The following FAM168A variants were observed in gnomAD, a reference collection of about 807,000 sequenced individuals.
The protein encoded by FAM168A is family with sequence similarity 168 member A, also known as protein FAM168A.
In FAM168A, 3 loss-of-function variants were observed where a neutral mutation model predicts 28.5. The ratio of observed to expected loss-of-function variants is 0.11; its 90% confidence interval spans 0.05 to 0.27. The LOEUF is 0.27. Ranked by LOEUF, FAM168A falls within the 10% of genes least tolerant of loss-of-function variation. The probability of loss-of-function intolerance (pLI) is 1.00; values close to 1 mark genes in which losing one functional copy is unlikely to be tolerated. For synonymous variants in FAM168A, 122 were observed against 124.2 expected, an observed-to-expected ratio of 0.98 and a Z score of 0.12; for missense variants, 222 against 311.5, an observed-to-expected ratio of 0.71 and a Z score of 2.16.
chr11:73,403,188 C>G lies in FAM168A; in HGVS notation c.*3575G>C, dbSNP rs1385889978. 2 of 152,108 alleles carry G rather than the reference C, an allele frequency of 1.3e-5. No homozygotes were observed. Among genetic ancestry groups the G allele is most frequent in the African/African-American group, 2.4e-5 (1 of 41,414 alleles). 9.4% of individuals were successfully genotyped at this position (152,108 alleles called of 1,614,324 possible). On this transcript the variant is annotated 3_prime_UTR_variant, in exon 8 of 8. Coordinates refer to ENST00000356467, the MANE Select transcript of FAM168A (RefSeq NM_015159.3). ...AGGATATACATTTTAGGGTCATTGC[C>G]AGGTAAGAAAGAACAGCAACTGTCC...
Position 73,403,071 on chromosome 11 carries a change from A to T in FAM168A, c.*3692T>A, listed in dbSNP as rs1358275222. 6.6e-6 allele frequency: 1 copy of T among 152,130 alleles called. No homozygotes were observed. The highest frequency in any genetic ancestry group is 1.5e-5 in the Non-Finnish European group (1 of 68,028). The allele number at this position is 152,130 out of a possible 1,614,324, so 9.4% of individuals were successfully genotyped here. On this transcript the variant is annotated 3_prime_UTR_variant, in exon 8 of 8. Coordinates refer to ENST00000356467, the MANE Select transcript of FAM168A (RefSeq NM_015159.3). ...TGAGCCTTAGTTTTTTCATCTATAA[A>T]ATGGAGGACTTTGGCAACCAATGTC... is the stretch of plus-strand genomic sequence containing the variant.
At chr11:73,467,180 C>T (rs1465936316) in intron 2 of FAM168A, among the ~76,000 whole-genome samples, 2 of 151,820 alleles carry the variant, frequency 1.3e-5, no homozygotes, top group African/African-American at 2.4e-5. Context: ...TCATAATATT[C>T]CTTGGTGATT....
intron 1 of FAM168A, among the ~76,000 whole-genome samples, chr11:73,493,111 T>C (rs1854791770): frequency 6.6e-6 from 1 of 151,436 alleles, no homozygotes; most frequent in African/African-American, 2.4e-5. Context: ...ACACCAAACT[T>C]CAGCAACATG....
intron 2 of FAM168A, among the ~76,000 whole-genome samples, chr11:73,446,036 T>C (rs1051853546): frequency 1.2e-4 from 18 of 152,202 alleles, no homozygotes; most frequent in Admixed American, 1.2e-3. Context: ...CTATGAGCTA[T>C]TTTATTTTTT....
At chr11:73,453,364 G>A (rs1459115556) in intron 2 of FAM168A, among the ~76,000 whole-genome samples, 1 of 152,098 alleles carries the variant, frequency 6.6e-6, no homozygotes, top group Admixed American at 6.5e-5. Context: ...GTGATTCCAT[G>A]GGAAGTAGAA....
chr11:73,441,237 T>A (rs1468613567), intron 2 of FAM168A, among the ~76,000 whole-genome samples: 3 of 151,934 alleles, frequency 2.0e-5, no homozygotes, highest in Non-Finnish European at 2.9e-5. Context: ...TTTTTGTATC[T>A]TAGTAGAGAT....
At chr11:73,540,466 CT>C (rs1027307459) in intron 1 of FAM168A, among the ~76,000 whole-genome samples, 2 of 152,182 alleles carry the variant, frequency 1.3e-5, no homozygotes, top group African/African-American at 4.8e-5. Context: ...ACTCCCACCC[CT>C]ACCAAGGGCT....
At chr11:73,491,153 TACAC>T (rs1868122836) in intron 1 of FAM168A, among the ~76,000 whole-genome samples, 1 of 152,102 alleles carries the variant, frequency 6.6e-6, no homozygotes, top group African/African-American at 2.4e-5. Context: ...CACACATATA[TACAC>T]ATACTCCCCA....
chr11:73,484,571 TATATATCG>T (rs1454603341), intron 1 of FAM168A, among the ~76,000 whole-genome samples: 4 of 145,568 alleles, frequency 2.7e-5, no homozygotes, highest in African/African-American at 1.0e-4. Context: ...TCTATATATC[TATATATCG>T]ATATCTATCT....
chr11:73,460,489 G>A (rs1012061179), intron 2 of FAM168A, among the ~76,000 whole-genome samples: 1 of 149,204 alleles, frequency 6.7e-6, no homozygotes, highest in Admixed American at 6.7e-5. Flanking sequence ...ATAAACAAAG[G>A]CTACTAATGC....
chr11:73,587,651 C>A (rs897095647), intron 1 of FAM168A, among the ~76,000 whole-genome samples: 8 of 152,090 alleles, frequency 5.3e-5, no homozygotes, highest in Non-Finnish European at 1.2e-4. Flanking sequence ...CAGCAAAACT[C>A]CATCTCAAAA....
At chr11:73,583,970 G>T (rs1944278885) in intron 1 of FAM168A, among the ~76,000 whole-genome samples, 1 of 152,128 alleles carries the variant, frequency 6.6e-6, no homozygotes, top group Non-Finnish European at 1.5e-5. Context: ...TGAAGGGCAG[G>T]CTTTCAGGCA....
At chr11:73,564,613 G>A (rs1943998264) in intron 1 of FAM168A, among the ~76,000 whole-genome samples, 1 of 151,720 alleles carries the variant, frequency 6.6e-6, no homozygotes, top group Non-Finnish European at 1.5e-5. Context: ...CATGGTGTCG[G>A]GCGCCCGTAG....
chr11:73,442,957 T>TATAG (rs1867227921), intron 2 of FAM168A, among the ~76,000 whole-genome samples: 1 of 61,606 alleles, frequency 1.6e-5, no homozygotes, highest in Non-Finnish European at 3.1e-5. Flanking sequence ...ATACAAAGGA[T>TATAG]ATATATATAT....
chr11:73,512,717 A>G (rs968116896), intron 1 of FAM168A, among the ~76,000 whole-genome samples: 1 of 152,144 alleles, frequency 6.6e-6, no homozygotes, highest in African/African-American at 2.4e-5. Flanking sequence ...GCACTATTCT[A>G]TACTAAAAAG....
intron 1 of FAM168A, among the ~76,000 whole-genome samples, chr11:73,583,730 A>G (rs1217786872): frequency 6.6e-6 from 1 of 152,248 alleles, no homozygotes; most frequent in African/African-American, 2.4e-5. Flanking sequence ...GGCACTGCAC[A>G]TCTGAAGAAC....
intron 1 of FAM168A, among the ~76,000 whole-genome samples, chr11:73,528,657 G>A (rs1271523499): frequency 1.3e-5 from 2 of 151,882 alleles, no homozygotes; most frequent in African/African-American, 4.8e-5. Flanking sequence ...TCTTTCTTGC[G>A]TGAGATCCAA....
intron 1 of FAM168A, among the ~76,000 whole-genome samples, chr11:73,484,622 A>C (rs1335834685): frequency 6.9e-6 from 1 of 145,612 alleles, no homozygotes; most frequent in Non-Finnish European, 1.5e-5. Context: ...ATATATCTAT[A>C]TATAGATATC....
At chr11:73,431,756 A>ATT (rs35898448) in intron 2 of FAM168A, among the ~76,000 whole-genome samples, 5 of 151,996 alleles carry the variant, frequency 3.3e-5, no homozygotes, top group African/African-American at 1.2e-4. Context: ...ATTTTTTGAA[A>ATT]TTTTTTTTAT....
Sources: allele counts gnomAD v4.1 joint callset (sites outside exome capture counted in the v4.1 genomes callset), GRCh38; gene constraint gnomAD v4.1.1; transcripts MANE v1.5; gene names NCBI Gene and HGNC (gene_info 2026-07-23, HGNC 2026-07-21).